FBXL13: variants seen among roughly 807,000 people sequenced by gnomAD.
FBXL13 encodes the protein F-box and leucine-rich repeat protein 13.
A neutral mutation model predicts 83.6 loss-of-function variants in FBXL13; 67 were observed. The observed-to-expected ratio is 0.80, with a 90% CI of 0.66 to 0.98. The LOEUF (loss-of-function observed/expected upper bound fraction) is 0.98, where lower values mean the gene tolerates loss of function less well. Ranked by LOEUF, FBXL13 falls within the 50% of genes least tolerant of loss-of-function variation. The pLI, the probability that FBXL13 is intolerant of heterozygous loss-of-function variation, is 0.00. For missense variants in FBXL13, 822 were observed against 866.5 expected, an observed-to-expected ratio of 0.95 and a Z score of 0.64; for synonymous variants, 272 against 299.5, an observed-to-expected ratio of 0.91 and a Z score of 0.95.
At chr7:102,923,189 T>G (rs1262819751) in intron 10 of FBXL13, among the ~76,000 whole-genome samples, 1 of 152,222 alleles carries the variant, frequency 6.6e-6, no homozygotes, top group Non-Finnish European at 1.5e-5. Flanking sequence ...CTCAATATTT[T>G]GTGCTATTTC....
At chr7:102,811,999 C>T (rs188063067), downstream of FBXL13, among the ~76,000 whole-genome samples, 2 of 152,278 alleles carry the variant, frequency 1.3e-5, no homozygotes, top group African/African-American at 2.4e-5. Context: ...TTCAAAATAA[C>T]GATGCTTTAT....
chr7:102,863,281 AC>A (rs1424952522), intron 16 of FBXL13, among the ~76,000 whole-genome samples: 1 of 152,086 alleles, frequency 6.6e-6, no homozygotes, highest in East Asian at 1.9e-4. Context: ...AATCTATATA[AC>A]CTAGGGTATT....
chr7:102,980,755 C>T (rs896267245), intron 6 of FBXL13, among the ~76,000 whole-genome samples: 15 of 150,740 alleles, frequency 1.0e-4, no homozygotes, highest in Admixed American at 4.0e-4. Context: ...CCAGCCTGGG[C>T]GACAGAGCGA....
At chr7:102,885,647 C>A (rs1452544387) in intron 11 of FBXL13, among the ~76,000 whole-genome samples, 1 of 151,948 alleles carries the variant, frequency 6.6e-6, no homozygotes, top group African/African-American at 2.4e-5. Context: ...TCTATTTTTT[C>A]TTTTGTTGTT....
At chr7:103,028,569 A>C in intron 4 of FBXL13, 31 bp downstream of exon 5, 2 of 1,457,632 alleles carry the variant, frequency 1.4e-6, no homozygotes, top group Non-Finnish European at 1.8e-6. Context: ...AAATGGATAC[A>C]AAAAGTAATT....
intron 8 of FBXL13, among the ~76,000 whole-genome samples, chr7:102,962,172 G>A (rs1474319011): frequency 2.4e-4 from 37 of 151,088 alleles, no homozygotes; most frequent in African/African-American, 3.4e-4. Flanking sequence ...AAAAGTGGGC[G>A]AAGGACATGA....
intron 11 of FBXL13, among the ~76,000 whole-genome samples, chr7:102,911,548 A>C (rs1814688225): frequency 6.6e-6 from 1 of 152,200 alleles, no homozygotes; most frequent in Non-Finnish European, 1.5e-5. Context: ...CACCCACAGG[A>C]ACTGAGAGAT....
intron 1 of FBXL13, among the ~76,000 whole-genome samples, chr7:103,070,618 A>G (rs1169842843): frequency 6.6e-6 from 1 of 151,856 alleles, no homozygotes; most frequent in Non-Finnish European, 1.5e-5. Flanking sequence ...TATGCGGCTC[A>G]GGGTTCTGCA....
At chr7:102,910,657 G>A (rs1019000044) in intron 11 of FBXL13, among the ~76,000 whole-genome samples, 15 of 152,198 alleles carry the variant, frequency 9.9e-5, no homozygotes, top group Non-Finnish European at 1.5e-4. Flanking sequence ...TCTCTGTCCT[G>A]TTAGTACCAT....
chr7:103,053,384 C>A (rs557449326), intron 2 of FBXL13, among the ~76,000 whole-genome samples: 87 of 152,182 alleles, frequency 5.7e-4, no homozygotes, highest in African/African-American at 2.0e-3. Context: ...AACTTCTGAC[C>A]TCAGGTGATC....
chr7:103,028,528 G>T, intron 4 of FBXL13, 72 bp downstream of exon 5: 1 of 1,107,852 alleles, frequency 9.0e-7, no homozygotes, highest in Non-Finnish European at 1.2e-6. Flanking sequence ...CCCAAAGTAT[G>T]CTTAACTGTT....
chr7:102,966,505 G>T (rs1339429896), intron 7 of FBXL13, among the ~76,000 whole-genome samples: 18 of 152,160 alleles, frequency 1.2e-4, no homozygotes, highest in Admixed American at 1.2e-3. Flanking sequence ...GGAGGAGAAA[G>T]AATATATACA....
At chr7:102,997,518 C>T (rs1789931843) in intron 6 of FBXL13, among the ~76,000 whole-genome samples, 1 of 151,964 alleles carries the variant, frequency 6.6e-6, no homozygotes, top group Non-Finnish European at 1.5e-5. Context: ...ACTCTTATTC[C>T]TTCTATCTAA....
At chr7:102,999,653 T>C (rs1391416627) in intron 6 of FBXL13, among the ~76,000 whole-genome samples, 1 of 152,214 alleles carries the variant, frequency 6.6e-6, no homozygotes, top group Non-Finnish European at 1.5e-5. Flanking sequence ...AGGCTTCATG[T>C]ATCTAGGAAT....
At chr7:103,046,228 G>C (rs533167982) in intron 2 of FBXL13, among the ~76,000 whole-genome samples, 1 of 152,338 alleles carries the variant, frequency 6.6e-6, no homozygotes, top group East Asian at 1.9e-4. Flanking sequence ...TAGGCCACAA[G>C]TGTCAGAAGC....
At chr7:102,858,885 T>C (rs1806405986) in intron 16 of FBXL13, among the ~76,000 whole-genome samples, 1 of 152,156 alleles carries the variant, frequency 6.6e-6, no homozygotes, top group Non-Finnish European at 1.5e-5. Context: ...GGCTTTTCTT[T>C]TGGGAGTGAA....
At chr7:103,036,273 T>C (rs1235442202) in intron 2 of FBXL13, among the ~76,000 whole-genome samples, 5 of 152,192 alleles carry the variant, frequency 3.3e-5, no homozygotes, top group Non-Finnish European at 7.4e-5. Flanking sequence ...AGAATAATAA[T>C]AGCAAAACAG....
intron 6 of FBXL13, among the ~76,000 whole-genome samples, chr7:102,974,143 C>T (rs1466728492): frequency 2.0e-5 from 3 of 152,258 alleles, no homozygotes; most frequent in South Asian, 2.1e-4. Flanking sequence ...GTAATCCTAG[C>T]ACTTTGCGAG....
chr7:102,876,241 A>C (rs1809241374), intron 16 of FBXL13, among the ~76,000 whole-genome samples: 1 of 152,190 alleles, frequency 6.6e-6, no homozygotes, highest in Admixed American at 6.5e-5. Context: ...GAGTTGGAAC[A>C]AGGAAGAGAC....
Sources: gnomAD v4.1 joint callset for allele counts (sites outside exome capture counted in the v4.1 genomes callset) on GRCh38, gnomAD v4.1.1 for gene constraint, MANE v1.5 for transcripts, NCBI Gene and HGNC (gene_info 2026-07-23, HGNC 2026-07-21) for gene names.